FBXL7: variants seen among roughly 807,000 people sequenced by gnomAD.
The protein encoded by FBXL7 is F-box/LRR-repeat protein 7.
A neutral mutation model predicts 38.3 loss-of-function variants in FBXL7; 12 were observed. The observed-to-expected ratio is 0.31, with a 90% CI of 0.20 to 0.51. The LOEUF is 0.51. Ranked by LOEUF, FBXL7 falls within the 20% of genes least tolerant of loss-of-function variation. The pLI is 0.98. For synonymous variants in FBXL7, 297 were observed against 300.9 expected (o/e 0.99, Z 0.13); for missense variants, 567 against 676.4 (o/e 0.84, Z 1.79).
intron 2 of FBXL7, among the ~76,000 whole-genome samples, chr5:15,668,368 TTGTGTGTGTGTGTGTG>T (rs148728974): frequency 1.4e-4 from 21 of 145,768 alleles, no homozygotes; most frequent in Middle Eastern, 3.4e-3. Context: ...ATATTTGTGT[TTGTGTGTGTGTGTGTG>T]TGTGTGTGTG....
At chr5:15,792,711 C>T (rs1017564890) in intron 2 of FBXL7, among the ~76,000 whole-genome samples, 9 of 152,298 alleles carry the variant, frequency 5.9e-5, no homozygotes, top group East Asian at 1.9e-4. Context: ...CACCACCTCC[C>T]TATCATCAAC....
At chr5:15,671,150 C>T (rs1742458343) in intron 2 of FBXL7, among the ~76,000 whole-genome samples, 2 of 152,146 alleles carry the variant, frequency 1.3e-5, no homozygotes, top group South Asian at 4.1e-4. Flanking sequence ...GTGCTCAGCT[C>T]CTCCCACTTT....
intron 2 of FBXL7, among the ~76,000 whole-genome samples, chr5:15,833,589 C>T (rs1738513960): frequency 6.6e-6 from 1 of 152,196 alleles, no homozygotes; most frequent in Non-Finnish European, 1.5e-5. Context: ...CAAGACTCTC[C>T]TCTCTAAAGC....
chr5:15,753,450 G>T (rs554581647), intron 2 of FBXL7, among the ~76,000 whole-genome samples: 3 of 152,166 alleles, frequency 2.0e-5, no homozygotes, highest in African/African-American at 7.2e-5. Context: ...TACATCAAAG[G>T]CTCCAAAATA....
chr5:15,922,400 T>C (rs984874433), intron 2 of FBXL7, among the ~76,000 whole-genome samples: 1 of 152,210 alleles, frequency 6.6e-6, no homozygotes, highest in Non-Finnish European at 1.5e-5. Context: ...GAGCTTTTTA[T>C]GTATACTGCT....
At chr5:15,585,901 A>G (rs1358012160) in intron 1 of FBXL7, among the ~76,000 whole-genome samples, 2 of 152,234 alleles carry the variant, frequency 1.3e-5, no homozygotes, top group Admixed American at 6.5e-5. Context: ...ATGCCAGTGA[A>G]TGGCTATTCC....
chr5:15,633,478 A>T (rs970595481), intron 2 of FBXL7, among the ~76,000 whole-genome samples: 2 of 152,044 alleles, frequency 1.3e-5, no homozygotes, highest in Non-Finnish European at 2.9e-5. Flanking sequence ...ATCTAAAAAA[A>T]TTTTTTTAAT....
At chr5:15,893,721 T>C (rs139556831) in intron 2 of FBXL7, among the ~76,000 whole-genome samples, 45 of 152,362 alleles carry the variant, frequency 3.0e-4, no homozygotes, top group African/African-American at 1.0e-3. Context: ...AGTTATCCAA[T>C]TGTGATCAAA....
intron 2 of FBXL7, among the ~76,000 whole-genome samples, chr5:15,617,772 G>A (rs1740503366): frequency 6.6e-6 from 1 of 152,100 alleles, no homozygotes; most frequent in Non-Finnish European, 1.5e-5. Flanking sequence ...ATTCTTAGGA[G>A]CCATAGTGGA....
chr5:15,589,002 T>G (rs1465215155), intron 1 of FBXL7, among the ~76,000 whole-genome samples: 1 of 152,162 alleles, frequency 6.6e-6, no homozygotes, highest in Non-Finnish European at 1.5e-5. Flanking sequence ...GAAGCCCTTT[T>G]CCTGAGAAAT....
At chr5:15,641,956 TG>T (rs1741380973) in intron 2 of FBXL7, among the ~76,000 whole-genome samples, 3 of 142,482 alleles carry the variant, frequency 2.1e-5, no homozygotes, top group Non-Finnish European at 4.6e-5. Flanking sequence ...TGTGTGTGTG[TG>T]TGTGTGTGTG....
intron 2 of FBXL7, among the ~76,000 whole-genome samples, chr5:15,715,958 C>G (rs1744032186): frequency 6.6e-6 from 1 of 152,180 alleles, no homozygotes; most frequent in African/African-American, 2.4e-5. Flanking sequence ...TTTGCAAAAG[C>G]TGTGTCCTAG....
chr5:15,929,625 G>GAAA (rs60269538), intron 3 of FBXL7, among the ~76,000 whole-genome samples: 6 of 113,540 alleles, frequency 5.3e-5, no homozygotes, highest in East Asian at 5.8e-4. Flanking sequence ...CCCTGTCTCT[G>GAAA]AAAAAAAAAA....
chr5:15,669,539 C>G (rs993585571), intron 2 of FBXL7, among the ~76,000 whole-genome samples: 1 of 152,130 alleles, frequency 6.6e-6, no homozygotes, highest in Admixed American at 6.5e-5. Context: ...TGCCAAAACT[C>G]TCTTAGAACT....
intron 1 of FBXL7, among the ~76,000 whole-genome samples, chr5:15,517,006 TTTTTTTATTTTTATTTTTA>T (rs1167843377): frequency 3.1e-4 from 47 of 152,072 alleles, no homozygotes; most frequent in African/African-American, 1.1e-3. Context: ...GGGTTTTTTA[TTTTTTTATTTTTATTTTTA>T]TTTTTTATTT....
intron 2 of FBXL7, among the ~76,000 whole-genome samples, chr5:15,750,689 T>G (rs558278231): frequency 3.3e-5 from 5 of 152,314 alleles, no homozygotes; most frequent in Admixed American, 1.3e-4. Context: ...TGCATTTTTT[T>G]TTCCTGTTTT....
intron 2 of FBXL7, among the ~76,000 whole-genome samples, chr5:15,734,620 C>T (rs896375104): frequency 6.6e-6 from 1 of 152,196 alleles, no homozygotes; most frequent in South Asian, 2.1e-4. Flanking sequence ...TCCTTCCTTT[C>T]TCTGTTTCTT....
At chr5:15,736,050 GTTGC>G (rs1238372920) in intron 2 of FBXL7, among the ~76,000 whole-genome samples, 3 of 152,212 alleles carry the variant, frequency 2.0e-5, no homozygotes, top group African/African-American at 7.2e-5. Flanking sequence ...TTTTCCACTA[GTTGC>G]TTCAGATGTA....
rs546375567 is a variant in FBXL7, at chr5:15,788,943, C to T, written c.128-138947C>T. On this transcript the variant is annotated intron_variant, in intron 2 of 3. Transcript: ENST00000504595. ...TCGGCTCACTGCAAGCTCCGCCTCC[C>T]GGGTTCATGCCATTCTCCTGCCTCA... is the stretch of plus-strand genomic sequence containing the variant. 3.9e-3 allele frequency among the ~76,000 whole-genome samples: 580 copies of T among 149,164 alleles called. 3 individuals carry two copies. The highest frequency in any genetic ancestry group is 5.0e-3 in the Non-Finnish European group (337 of 66,840).
Sources: gnomAD v4.1 joint callset for allele counts (sites outside exome capture counted in the v4.1 genomes callset) on GRCh38, gnomAD v4.1.1 for gene constraint, MANE v1.5 for transcripts, NCBI Gene and HGNC (gene_info 2026-07-23, HGNC 2026-07-21) for gene names.